Variants in PSMA5 observed in about 807,000 individuals in gnomAD.
PSMA5 encodes the protein proteasome subunit alpha type-5.
In PSMA5, 3 loss-of-function variants were observed where a neutral mutation model predicts 34.5. That is an observed-to-expected ratio of 0.09 (90% CI 0.04 to 0.22). The LOEUF (loss-of-function observed/expected upper bound fraction) is 0.22, where lower values mean the gene tolerates loss of function less well. Ranked by LOEUF, PSMA5 falls within the 10% of genes least tolerant of loss-of-function variation. The probability of loss-of-function intolerance (pLI) is 1.00; values close to 1 mark genes in which losing one functional copy is unlikely to be tolerated. For synonymous variants in PSMA5, 88 were observed against 95.8 expected, an observed-to-expected ratio of 0.92 and a Z score of 0.47; for missense variants, 120 against 286.1, an observed-to-expected ratio of 0.42 and a Z score of 4.19.
intron 3 of PSMA5, among the ~76,000 whole-genome samples, chr1:109,413,916 A>C (rs1438953954): frequency 1.3e-5 from 2 of 152,250 alleles, no homozygotes; most frequent in East Asian, 3.9e-4. Context: ...AAATTTTTCA[A>C]CTGGCCTCCG....
At chr1:109,412,698 G>A (rs1287432507) in intron 4 of PSMA5, 6 of 187,288 alleles carry the variant, frequency 3.2e-5, no homozygotes, top group Admixed American at 5.9e-5. Context: ...CACCAAAGGC[G>A]GGCTGTTATT....
intron 2 of PSMA5, among the ~76,000 whole-genome samples, chr1:109,416,960 C>T (rs1654229178): frequency 6.6e-6 from 1 of 152,134 alleles, no homozygotes; most frequent in South Asian, 2.1e-4. Context: ...CAATAATTAG[C>T]CAGGCTTGGT....
At chr1:109,412,506 T>C (rs533309976) in intron 4 of PSMA5, 25 of 233,756 alleles carry the variant, frequency 1.1e-4, no homozygotes, top group Non-Finnish European at 1.8e-4. Context: ...GCTTATTCTG[T>C]TGATGTTCAA....
intron 8 of PSMA5, among the ~76,000 whole-genome samples, chr1:109,406,882 ATATAAAT>A (rs1653781658): frequency 6.6e-6 from 1 of 152,204 alleles, no homozygotes; most frequent in Non-Finnish European, 1.5e-5. Context: ...ATTTTACTGT[ATATAAAT>A]TATATCTCAA....
In PSMA5 at chr1:109,421,935, T is replaced by TA. The variant is rs751197346; in HGVS notation, c.30-10dup. The TA allele has an allele frequency of 7.6e-5, 111 of 1,466,024 alleles. No individual in the cohort carries two copies. Among genetic ancestry groups the TA allele is most frequent in the South Asian group, 1.3e-4 (9 of 68,144 alleles). 90.8% of individuals were successfully genotyped at this position (1,466,024 alleles called of 1,614,324 possible). A position where few individuals can be genotyped will look rare whatever the true frequency, so the allele number is the denominator to read the frequency against. ...AAAAAGTATTCACGCCCCTATAATT[T>TA]AAAAAAAAATTATTAATTATACTCA... On this transcript the variant is annotated splice_polypyrimidine_tract_variant and intron_variant, in intron 1 of 8. Transcript: ENST00000271308.
Position 109,411,092 on chromosome 1 carries a change from C to A in PSMA5, c.480G>T (p.Gly160=), listed in dbSNP as rs762939252. Residue 160 remains glycine (G), a synonymous_variant, in exon 7 of 9, where the codon GGG becomes GGT. Transcript: ENST00000271308. ...GPQLFHMDPS[G]TFVQCDARAI... The stretch of plus-strand genomic sequence containing the variant: ...CTCGAGCATCACACTGTACAAAGGT[C>A]CCAGATGGGTCCATATGAAACCTGC... 2.5e-6 allele frequency: 4 copies of A among 1,613,068 alleles called. No homozygotes were observed. The South Asian group carries it at 4.4e-5, about 18-fold the overall frequency.
intron 4 of PSMA5, 157 bp downstream of exon 4, chr1:109,412,911 G>C: frequency 3.3e-6 from 2 of 608,188 alleles, no homozygotes; most frequent in African/African-American, 1.9e-5. Flanking sequence ...TAAACTCCAA[G>C]CCCCAGGAAG....
intron 3 of PSMA5, chr1:109,414,945 T>C (rs554039553): frequency 4.6e-5 from 13 of 284,318 alleles, no homozygotes; most frequent in African/African-American, 2.1e-4. Flanking sequence ...CAAGTCTATA[T>C]TATTCTTATA....
chr1:109,413,111 G>A lies in PSMA5; in HGVS notation c.248C>T (p.Ala83Val). ...TTTATCAATTAAAGTCTTAGCATCA[G>A]CAATTAGCCCACTCATGGCACAACC... ...HIGCAMSGLI[A>V]DAKTLIDKAR... Residue 83 changes from alanine to valine, a missense_variant, in exon 4 of 9, where the codon GCT becomes GTT. By Grantham distance (64) the Ala-to-Val change is moderately conservative. Around this residue, in one of 3 missense-constraint regions of PSMA5, gnomAD observed 83 missense variants for 203.2 expected, o/e 0.41. Transcript: ENST00000271308. The A allele has an allele frequency of 6.2e-7, 1 of 1,613,690 alleles. No homozygotes were observed. The highest frequency in any genetic ancestry group is 8.5e-7 in the Non-Finnish European group (1 of 1,179,792).
At chr1:109,403,505 C>T (rs1653621134) in intron 8 of PSMA5, among the ~76,000 whole-genome samples, 2 of 151,642 alleles carry the variant, frequency 1.3e-5, no homozygotes, top group South Asian at 4.2e-4. Context: ...GTAGCAAACG[C>T]CTGTGTCCCA....
chr1:109,412,342 G>A (rs922595716), intron 4 of PSMA5, 158 bp from the exon 5 acceptor site: 2 of 596,228 alleles, frequency 3.4e-6, no homozygotes, highest in Non-Finnish European at 6.0e-6. Context: ...GAGTACATGA[G>A]AGGAAGAGAA....
Position 109,400,372 on chromosome 1 carries a change from ATATC to A in PSMA5, c.*1637_*1640del, listed in dbSNP as rs1300077124. ...TAGAAGTTTCACAGGAGCACAGATC[ATATC>A]TACCATTTGAACAGCTCTCTGCCTG... On this transcript the variant is annotated 3_prime_UTR_variant, in exon 9 of 9. Transcript: ENST00000271308. The A allele has an allele frequency of 6.6e-6, 1 of 152,268 alleles. No individual in the cohort carries two copies. Among genetic ancestry groups the A allele is most frequent in the Non-Finnish European group, 1.5e-5 (1 of 68,044 alleles). 9.4% of individuals were successfully genotyped at this position (152,268 alleles called of 1,614,324 possible). A position where few individuals can be genotyped will look rare whatever the true frequency, so the allele number is the denominator to read the frequency against.
intron 3 of PSMA5, 58 bp downstream of exon 3, chr1:109,415,179 A>G: frequency 1.3e-5 from 21 of 1,558,334 alleles, no homozygotes; most frequent in Non-Finnish European, 1.7e-5. Flanking sequence ...TTGGAACATC[A>G]TAGAGGACTA....
intron 2 of PSMA5, among the ~76,000 whole-genome samples, chr1:109,415,716 A>C (rs1654167966): frequency 6.6e-6 from 1 of 152,194 alleles, no homozygotes; most frequent in Admixed American, 6.5e-5. Context: ...TCTAATGCCA[A>C]TATTTGGAGG....
At chr1:109,414,723 A>G (rs1654125265) in intron 3 of PSMA5, 1 of 152,310 alleles carries the variant, frequency 6.6e-6, no homozygotes, top group Non-Finnish European at 1.5e-5. Flanking sequence ...TATTTTGCCA[A>G]TGCTTCATTA....
intron 8 of PSMA5, among the ~76,000 whole-genome samples, chr1:109,409,492 G>A (rs1653911548): frequency 6.6e-6 from 1 of 152,232 alleles, no homozygotes; most frequent in South Asian, 2.1e-4. Flanking sequence ...GCTTCTGCCA[G>A]CACCACTTTA....
intron 2 of PSMA5, among the ~76,000 whole-genome samples, chr1:109,417,138 T>G (rs1009371614): frequency 3.3e-5 from 5 of 152,164 alleles, no homozygotes; most frequent in African/African-American, 1.2e-4. Flanking sequence ...ATGCTCATAT[T>G]TCTAGTTAAA....
intron 6 of PSMA5, 146 bp from the exon 7 acceptor site, chr1:109,411,259 T>A: frequency 1.7e-6 from 1 of 598,574 alleles, no homozygotes; most frequent in Non-Finnish European, 3.0e-6. Context: ...TAAAAGATGT[T>A]CTATGTCTGG....
At chr1:109,425,109 A>AT (rs1654602314) in intron 1 of PSMA5, among the ~76,000 whole-genome samples, 1 of 152,312 alleles carries the variant, frequency 6.6e-6, no homozygotes, top group East Asian at 1.9e-4. Context: ...AAGGAGCTTG[A>AT]TTTTGTCCAT....
Sources: gnomAD v4.1 joint callset for allele counts (sites outside exome capture counted in the v4.1 genomes callset) on GRCh38, gnomAD v4.1.1 for gene constraint, gnomAD v4.1.1 regional missense constraint, MANE v1.5 for transcripts, NCBI Gene and HGNC (gene_info 2026-07-23, HGNC 2026-07-21) for gene names.